Variants in KCNIP4 observed in about 807,000 individuals in gnomAD.
KCNIP4 encodes the protein Kv channel-interacting protein 4.
KCNIP4 carries 12 observed loss-of-function variants against 34.0 expected under a neutral mutation model. The observed-to-expected ratio is 0.35, with a 90% confidence interval of 0.23 to 0.57. The LOEUF (loss-of-function observed/expected upper bound fraction) is 0.57. Among genes scored for constraint, KCNIP4 ranks in the 20% least tolerant of loss-of-function variants. The pLI is 0.83. For synonymous variants in KCNIP4, 124 were observed against 102.2 expected (o/e 1.21, Z -1.29); for missense variants, 238 against 311.7 (o/e 0.76, Z 1.78).
At chr4:21,882,262 T>G (rs1443190781) in intron 1 of KCNIP4, among the ~76,000 whole-genome samples, 1 of 152,114 alleles carries the variant, frequency 6.6e-6, no homozygotes, top group African/African-American at 2.4e-5. Flanking sequence ...AAAGTGACTA[T>G]TACTGTCTCA....
chr4:21,767,241 A>G (rs1198538531), intron 1 of KCNIP4, among the ~76,000 whole-genome samples: 1 of 152,132 alleles, frequency 6.6e-6, no homozygotes, highest in Non-Finnish European at 1.5e-5. Context: ...GGAGACAGTC[A>G]GATCACACAG....
At chr4:21,137,207 C>G (rs759263528) in intron 1 of KCNIP4, among the ~76,000 whole-genome samples, 3 of 152,158 alleles carry the variant, frequency 2.0e-5, no homozygotes, top group Non-Finnish European at 4.4e-5. Context: ...TGGTACCCGA[C>G]GACACCACCA....
At chr4:21,135,138 GA>G (rs1751401159) in intron 1 of KCNIP4, among the ~76,000 whole-genome samples, 1 of 152,210 alleles carries the variant, frequency 6.6e-6, no homozygotes, top group Non-Finnish European at 1.5e-5. Context: ...GGACATTTTA[GA>G]AAAGATGGTC....
At chr4:21,586,012 G>A (rs1204953379) in intron 1 of KCNIP4, among the ~76,000 whole-genome samples, 1 of 152,020 alleles carries the variant, frequency 6.6e-6, no homozygotes, top group Non-Finnish European at 1.5e-5. Flanking sequence ...TAATGATACT[G>A]TTTAAGGATA....
In KCNIP4 at chr4:21,303,772, G is replaced by T. The variant is rs774191983; in HGVS notation, c.62-421063C>A. ...TAAGACATTTTCATTGCAAAACAGA[G>T]AATTTTTAGAAGTCACTAAAAAGCA... On this transcript the variant is annotated intron_variant, in intron 1 of 8. Transcript: ENST00000382152. 68 of 1,542,408 alleles carry T rather than the reference G, an allele frequency of 4.4e-5. 1 individual carries two copies. The highest frequency in any genetic ancestry group is 1.7e-4 in the Admixed American group (10 of 59,510).
chr4:21,390,715 A>G (rs1434415277), intron 1 of KCNIP4, among the ~76,000 whole-genome samples: 1 of 152,148 alleles, frequency 6.6e-6, no homozygotes, highest in Non-Finnish European at 1.5e-5. Context: ...GCCTTGTAGT[A>G]TAGTTTGAAG....
chr4:21,768,214 G>T (rs1234847741), intron 1 of KCNIP4, among the ~76,000 whole-genome samples: 5 of 151,980 alleles, frequency 3.3e-5, no homozygotes, highest in Admixed American at 6.6e-5. Context: ...CTAGGATTTT[G>T]GATACAGTAT....
At chr4:21,805,176 T>A (rs1374238006) in intron 1 of KCNIP4, among the ~76,000 whole-genome samples, 1 of 152,176 alleles carries the variant, frequency 6.6e-6, no homozygotes, top group Non-Finnish European at 1.5e-5. Context: ...TTGCAATGGG[T>A]GGACTTCATG....
intron 1 of KCNIP4, among the ~76,000 whole-genome samples, chr4:21,705,290 C>A (rs537636776): frequency 6.6e-6 from 1 of 152,144 alleles, no homozygotes; most frequent in African/African-American, 2.4e-5. Context: ...CTTCTGTATC[C>A]TTATTGTATC....
chr4:20,886,088 G>A (rs548530216), intron 1 of KCNIP4, among the ~76,000 whole-genome samples: 1 of 152,340 alleles, frequency 6.6e-6, no homozygotes, highest in African/African-American at 2.4e-5. Flanking sequence ...TGAAATGGAA[G>A]ATGGAAGATG....
chr4:21,733,310 A>G (rs1715745759), intron 1 of KCNIP4, among the ~76,000 whole-genome samples: 1 of 152,216 alleles, frequency 6.6e-6, no homozygotes, highest in Admixed American at 6.6e-5. Flanking sequence ...ATAAACAGTG[A>G]ATCGTATATA....
chr4:21,771,650 G>A (rs747080398), intron 1 of KCNIP4, among the ~76,000 whole-genome samples: 10 of 151,944 alleles, frequency 6.6e-5, no homozygotes, highest in Non-Finnish European at 1.3e-4. Flanking sequence ...CACATCCCTC[G>A]TTAGCTGTAC....
At chr4:21,538,564 T>G (rs560884551) in intron 1 of KCNIP4, among the ~76,000 whole-genome samples, 2 of 152,212 alleles carry the variant, frequency 1.3e-5, no homozygotes. Flanking sequence ...TTCCTTGGCT[T>G]ACAAGCTAAT....
intron 1 of KCNIP4, among the ~76,000 whole-genome samples, chr4:21,751,691 A>G (rs1717161193): frequency 6.6e-6 from 1 of 152,054 alleles, no homozygotes; most frequent in African/African-American, 2.4e-5. Context: ...CTGCCAGGTA[A>G]TGTGTCCAAG....
chr4:20,982,289 A>G (rs377343967), intron 1 of KCNIP4, among the ~76,000 whole-genome samples: 14 of 152,336 alleles, frequency 9.2e-5, no homozygotes, highest in South Asian at 8.3e-4. Flanking sequence ...CTGTGGCTCA[A>G]CTAAGTCCAG....
intron 1 of KCNIP4, among the ~76,000 whole-genome samples, chr4:21,886,133 A>C (rs1726749663): frequency 6.6e-6 from 1 of 152,142 alleles, no homozygotes; most frequent in Non-Finnish European, 1.5e-5. Context: ...AGATTCATGC[A>C]GTTTTTGAAA....
chr4:20,927,410 T>G (rs1478615004), intron 1 of KCNIP4, among the ~76,000 whole-genome samples: 2 of 152,202 alleles, frequency 1.3e-5, no homozygotes, highest in African/African-American at 4.8e-5. Flanking sequence ...ATAAAATGTT[T>G]AAATTGCTGT....
intron 1 of KCNIP4, among the ~76,000 whole-genome samples, chr4:21,285,537 A>C (rs1220823239): frequency 6.6e-6 from 1 of 152,134 alleles, no homozygotes; most frequent in Non-Finnish European, 1.5e-5. Flanking sequence ...ACAATCTATA[A>C]AACAAACAAG....
chr4:20,878,491 A>C (rs1724310209), intron 2 of KCNIP4, among the ~76,000 whole-genome samples: 1 of 152,008 alleles, frequency 6.6e-6, no homozygotes, highest in East Asian at 1.9e-4. Context: ...TCATATTACC[A>C]CAGGTTTACT....
Sources: allele counts gnomAD v4.1 joint callset (sites outside exome capture counted in the v4.1 genomes callset), GRCh38; gene constraint gnomAD v4.1.1; transcripts MANE v1.5; gene names NCBI Gene and HGNC (gene_info 2026-07-23, HGNC 2026-07-21).